Variants in CFAP20DC observed in about 807,000 individuals in gnomAD.
CFAP20DC encodes CFAP20 domain containing, also known as protein CFAP20DC.
In CFAP20DC, 84 loss-of-function variants were observed where a neutral mutation model predicts 101.7. The ratio of observed to expected loss-of-function variants is 0.83; its 90% CI spans 0.69 to 0.99. CFAP20DC has a LOEUF of 0.99. Ranked by LOEUF, CFAP20DC falls within the 50% of genes least tolerant of loss-of-function variation. The probability of loss-of-function intolerance (pLI) is 0.00; values close to 1 mark genes in which losing one functional copy is unlikely to be tolerated. For missense variants in CFAP20DC, 1,007 were observed against 970.3 expected (o/e 1.04, Z -0.50); for synonymous variants, 359 against 351.2 (o/e 1.02, Z -0.25).
At chr3:58,818,326 AT>A (rs1445873996) in intron 14 of CFAP20DC, among the ~76,000 whole-genome samples, 1 of 148,626 alleles carries the variant, frequency 6.7e-6, no homozygotes, top group Non-Finnish European at 1.5e-5. Flanking sequence ...AAATGCTCCA[AT>A]TAAAAGACAC....
chr3:59,020,070 T>C (rs189804473), intron 4 of CFAP20DC, among the ~76,000 whole-genome samples: 80 of 152,242 alleles, frequency 5.3e-4, no homozygotes, highest in African/African-American at 1.9e-3. Context: ...AAATTATTTT[T>C]GTAAGTATAA....
At chr3:58,853,609 A>T (rs2108357661) in intron 12 of CFAP20DC, among the ~76,000 whole-genome samples, 1 of 152,204 alleles carries the variant, frequency 6.6e-6, no homozygotes, top group Middle Eastern at 3.4e-3. Context: ...AACCGAATCC[A>T]GCAGCACATC....
At chr3:58,761,658 T>C (rs1168457041) in intron 15 of CFAP20DC, among the ~76,000 whole-genome samples, 2 of 152,246 alleles carry the variant, frequency 1.3e-5, no homozygotes, top group Non-Finnish European at 2.9e-5. Context: ...TTTCTTGCTT[T>C]CTCTTGTGGG....
At chr3:58,819,272 G>A (rs2075430667) in intron 14 of CFAP20DC, among the ~76,000 whole-genome samples, 2 of 152,102 alleles carry the variant, frequency 1.3e-5, no homozygotes, top group African/African-American at 4.8e-5. Flanking sequence ...GCTAGCAGAA[G>A]GCAAGAGATA....
At chr3:58,749,225 C>T (rs919385568) in intron 16 of CFAP20DC, among the ~76,000 whole-genome samples, 1 of 152,136 alleles carries the variant, frequency 6.6e-6, no homozygotes, top group African/African-American at 2.4e-5. Flanking sequence ...CCACACTAGG[C>T]ATTGGGGATA....
At chr3:58,870,138 T>C in intron 8 of CFAP20DC, 35 bp downstream of exon 8, 1 of 1,596,804 alleles carries the variant, frequency 6.3e-7, no homozygotes. Context: ...CCAGGTCACT[T>C]GTGCTTAGAT....
intron 6 of CFAP20DC, among the ~76,000 whole-genome samples, chr3:58,889,706 G>T (rs1332762862): frequency 1.0e-4 from 14 of 135,808 alleles, no homozygotes; most frequent in African/African-American, 3.7e-4. Flanking sequence ...GCGGCCTTCC[G>T]CAGTGTTTGT....
At chr3:58,999,843 TAAAAAAAAAAAAA>T (rs565894929) in intron 4 of CFAP20DC, among the ~76,000 whole-genome samples, 1 of 76,762 alleles carries the variant, frequency 1.3e-5, no homozygotes, top group East Asian at 3.4e-4. Context: ...GTCACTAATG[TAAAAAAAAAAAAA>T]AAAAAAAAAA....
intron 12 of CFAP20DC, chr3:58,862,818 T>A (rs959251141): frequency 1.3e-4 from 126 of 985,104 alleles, no homozygotes; most frequent in Non-Finnish European, 1.5e-4. Context: ...AAAGTATGAA[T>A]GACCATCGTT....
At chr3:58,809,827 G>C (rs1374089556) in intron 14 of CFAP20DC, among the ~76,000 whole-genome samples, 5 of 152,220 alleles carry the variant, frequency 3.3e-5, no homozygotes, top group African/African-American at 9.6e-5. Flanking sequence ...AAGAAAAAAA[G>C]AGAGAAGAAT....
intron 5 of CFAP20DC, among the ~76,000 whole-genome samples, chr3:58,929,391 T>A (rs2086336663): frequency 1.3e-5 from 2 of 152,224 alleles, no homozygotes; most frequent in Non-Finnish European, 2.9e-5. Flanking sequence ...AATAGTGTAT[T>A]TATCTCACAT....
intron 5 of CFAP20DC, among the ~76,000 whole-genome samples, chr3:58,937,041 G>C (rs2087780372): frequency 6.6e-6 from 1 of 151,888 alleles, no homozygotes; most frequent in Admixed American, 6.6e-5. Context: ...AGGGTACTGA[G>C]AGTAATATTG....
At chr3:59,045,967 T>C (rs1699823981) in intron 3 of CFAP20DC, among the ~76,000 whole-genome samples, 1 of 152,134 alleles carries the variant, frequency 6.6e-6, no homozygotes, top group African/African-American at 2.4e-5. Flanking sequence ...ATTATTATCA[T>C]AATTAATGGC....
At chr3:58,906,920 T>C (rs1164328070) in intron 6 of CFAP20DC, among the ~76,000 whole-genome samples, 1 of 151,972 alleles carries the variant, frequency 6.6e-6, no homozygotes, top group Non-Finnish European at 1.5e-5. Context: ...CGGAGTGAGA[T>C]CCTCTCAAAA....
At chr3:59,049,007 TA>T (rs763408303) in intron 1 of CFAP20DC, among the ~76,000 whole-genome samples, 1 of 152,116 alleles carries the variant, frequency 6.6e-6, no homozygotes, top group Non-Finnish European at 1.5e-5. Flanking sequence ...TTAAAAAGCT[TA>T]ATCAAGTGAC....
chr3:58,796,322 T>A (rs1002855360), intron 15 of CFAP20DC, among the ~76,000 whole-genome samples: 3 of 152,012 alleles, frequency 2.0e-5, no homozygotes, highest in African/African-American at 7.3e-5. Flanking sequence ...TTGTGCAAGG[T>A]GTGGTCCAGG....
At position 59,006,506 on chromosome 3, in the gene CFAP20DC, G is replaced by A. The variant is rs940741644; in HGVS notation, c.278+33051C>T. On this transcript the variant is annotated intron_variant, in intron 4 of 16. Coordinates refer to ENST00000482387, the MANE Select transcript of CFAP20DC (RefSeq NM_001394063.1). This position sits in a 1 kb window ranked among gnomAD's most constrained non-coding sequence, Gnocchi z 4.3. ...GTGAGTTCCCAAAGTGTGAGGTGGG[G>A]AATCCTGCCTCTGAACACACATCCC... Among the ~76,000 whole-genome samples, 3 of 152,224 alleles carry A rather than the reference G, an allele frequency of 2.0e-5. No individual in the cohort carries two copies. Among genetic ancestry groups the A allele is most frequent in the Non-Finnish European group, 2.9e-5 (2 of 68,040 alleles).
intron 4 of CFAP20DC, among the ~76,000 whole-genome samples, chr3:59,012,030 C>T (rs550108826): frequency 1.2e-4 from 18 of 152,248 alleles, no homozygotes; most frequent in East Asian, 7.7e-4. Context: ...AAGACACTGG[C>T]GCTTCGAAAT....
chr3:59,018,518 A>T (rs2093735432), intron 4 of CFAP20DC: 2 of 152,096 alleles, frequency 1.3e-5, no homozygotes, highest in Admixed American at 6.6e-5. Flanking sequence ...ACTGAGAAGG[A>T]CACAACATCA....
Sources: allele counts gnomAD v4.1 joint callset (sites outside exome capture counted in the v4.1 genomes callset), GRCh38; gene constraint gnomAD v4.1.1; non-coding constraint Gnocchi (gnomAD v3.1); transcripts MANE v1.5; gene names NCBI Gene and HGNC (gene_info 2026-07-23, HGNC 2026-07-21).